Variants in LSAMP observed in about 807,000 individuals in gnomAD.
LSAMP encodes limbic system-associated membrane protein.
Under a neutral mutation model 38.6 loss-of-function variants are expected in LSAMP, and 7 were observed. The observed-to-expected ratio is 0.18, with a 90% confidence interval of 0.10 to 0.34. The LOEUF (loss-of-function observed/expected upper bound fraction) is 0.34, where lower values mean the gene tolerates loss of function less well. LSAMP is among the 10% of genes least tolerant of loss of function. The pLI, the probability that LSAMP is intolerant of heterozygous loss-of-function variation, is 1.00. For synonymous variants in LSAMP, 154 were observed against 166.8 expected (o/e 0.92, Z 0.59); for missense variants, 313 against 420.0 (o/e 0.75, Z 2.23).
At position 115,810,045 on chromosome 3, in the gene LSAMP, T is replaced by C. The variant is rs1355450166; in HGVS notation, c.*272A>G. On this transcript the variant is annotated 3_prime_UTR_variant, in exon 7 of 7. Transcript: ENST00000490035. Reference sequence around the variant, plus strand: ...AGTGTGGTGTAGTCTTTACACAGCATACATTTGCTTAGTAGATATAAACAT... The same window carrying C: ...AGTGTGGTGTAGTCTTTACACAGCACACATTTGCTTAGTAGATATAAACAT... 9 of 367,618 alleles carry C rather than the reference T, an allele frequency of 2.4e-5. No individual in the cohort carries two copies. The highest frequency in any genetic ancestry group is 7.8e-4 in the Middle Eastern group (1 of 1,276). The allele number at this position is 367,618 out of a possible 1,614,324, so 22.8% of individuals were successfully genotyped here. A position where few individuals can be genotyped will look rare whatever the true frequency, so the allele number is the denominator to read the frequency against.
chr3:115,876,630 G>C (rs1470847306), intron 3 of LSAMP, among the ~76,000 whole-genome samples: 2 of 152,004 alleles, frequency 1.3e-5, no homozygotes, highest in Non-Finnish European at 2.9e-5. Context: ...CCAGGTTTCT[G>C]TCATCATGAT....
intron 1 of LSAMP, among the ~76,000 whole-genome samples, chr3:116,163,516 A>G (rs1179182972): frequency 6.6e-6 from 1 of 151,626 alleles, no homozygotes; most frequent in Non-Finnish European, 1.5e-5. Context: ...TGCTATTGTG[A>G]ATAGTGCCGC....
chr3:116,400,838 C>T (rs1402520778), intron 1 of LSAMP, among the ~76,000 whole-genome samples: 1 of 152,048 alleles, frequency 6.6e-6, no homozygotes, highest in Non-Finnish European at 1.5e-5. Context: ...CACATTCTAC[C>T]TTTTATTCCT....
chr3:115,842,626 A>T, intron 4 of LSAMP, 48 bp from the exon 5 acceptor site: 1 of 1,605,112 alleles, frequency 6.2e-7, no homozygotes, highest in Non-Finnish European at 8.5e-7. Flanking sequence ...CGGGGTGCTT[A>T]GAATTTCTAT....
At chr3:115,944,101 T>A (rs1356532742) in intron 3 of LSAMP, among the ~76,000 whole-genome samples, 1 of 152,154 alleles carries the variant, frequency 6.6e-6, no homozygotes, top group Non-Finnish European at 1.5e-5. Flanking sequence ...GTGGTAATGA[T>A]AAATTTCTGA....
chr3:116,416,500 C>G (rs1441629786), intron 1 of LSAMP, among the ~76,000 whole-genome samples: 1 of 152,146 alleles, frequency 6.6e-6, no homozygotes, highest in African/African-American at 2.4e-5. Flanking sequence ...TTGAAAGTGT[C>G]AAGCTGAGTG....
chr3:116,335,591 G>T (rs1193595436), intron 1 of LSAMP, among the ~76,000 whole-genome samples: 1 of 151,966 alleles, frequency 6.6e-6, no homozygotes, highest in Admixed American at 6.6e-5. Context: ...CTTATGGTGG[G>T]CACCTGCTAA....
At chr3:116,273,687 T>TATATATATATATA (rs1559808317) in intron 1 of LSAMP, among the ~76,000 whole-genome samples, 1 of 119,932 alleles carries the variant, frequency 8.3e-6, no homozygotes, top group African/African-American at 4.0e-5. Context: ...AAGAGGCATA[T>TATATATATATATA]ATATATATAT....
rs142624723 is a variant in LSAMP, at chr3:115,806,124, C to T, written c.*4193G>A. Reference sequence around the variant, plus strand: ...TGAGGACATGGTTAATCCCATTAAACATAGTCTATAAGCAAATTTCTTTTC... The same window carrying T: ...TGAGGACATGGTTAATCCCATTAAATATAGTCTATAAGCAAATTTCTTTTC... On this transcript the variant is annotated 3_prime_UTR_variant, in exon 7 of 7. Coordinates refer to ENST00000490035, the MANE Select transcript of LSAMP (RefSeq NM_002338.5). 6.6e-6 allele frequency: 1 copy of T among 152,142 alleles called. No individual in the cohort carries two copies. Among genetic ancestry groups the T allele is most frequent in the African/African-American group, 2.4e-5 (1 of 41,444 alleles). The allele number at this position is 152,142 out of a possible 1,614,324, so 9.4% of individuals were successfully genotyped here. A position where few individuals can be genotyped will look rare whatever the true frequency, so the allele number is the denominator to read the frequency against.
chr3:116,236,210 T>C (rs867203697), intron 1 of LSAMP, among the ~76,000 whole-genome samples: 1 of 152,250 alleles, frequency 6.6e-6, no homozygotes, highest in South Asian at 2.1e-4. Flanking sequence ...CATGATTTGC[T>C]TAGAATTTGA....
intron 1 of LSAMP, among the ~76,000 whole-genome samples, chr3:116,110,004 G>A (rs1179192003): frequency 6.6e-6 from 1 of 151,746 alleles, no homozygotes; most frequent in African/African-American, 2.4e-5. Context: ...TAAGAGGTAG[G>A]GGTGAGGAAA....
chr3:116,354,847 G>A (rs28438656), intron 1 of LSAMP, among the ~76,000 whole-genome samples: 27 of 25,072 alleles, frequency 1.1e-3, no homozygotes, highest in Non-Finnish European at 4.0e-3. Flanking sequence ...GTGTATATAT[G>A]TGTGTGTGTG....
chr3:116,437,746 A>T (rs374430825), intron 1 of LSAMP, among the ~76,000 whole-genome samples: 5 of 152,192 alleles, frequency 3.3e-5, no homozygotes, highest in East Asian at 1.9e-4. Flanking sequence ...TATGTATAAT[A>T]AAAATGGCAT....
At chr3:116,293,129 A>ACAT (rs2047290286) in intron 1 of LSAMP, among the ~76,000 whole-genome samples, 2 of 152,170 alleles carry the variant, frequency 1.3e-5, no homozygotes, top group African/African-American at 4.8e-5. Flanking sequence ...TGAGATAAGA[A>ACAT]CATCTCTTTT....
intron 3 of LSAMP, among the ~76,000 whole-genome samples, chr3:115,862,262 C>T (rs1935727742): frequency 6.6e-6 from 1 of 152,300 alleles, no homozygotes; most frequent in Non-Finnish European, 1.5e-5. Context: ...GCAGCAGTTG[C>T]TGTTTTTAAG....
intron 2 of LSAMP, among the ~76,000 whole-genome samples, chr3:116,044,318 AC>A (rs2107722653): frequency 6.6e-6 from 1 of 152,178 alleles, no homozygotes; most frequent in African/African-American, 2.4e-5. Flanking sequence ...TATTCTAACA[AC>A]CCTACCTTTC....
intron 1 of LSAMP, among the ~76,000 whole-genome samples, chr3:116,432,450 CA>C (rs1423848693): frequency 6.6e-6 from 1 of 151,752 alleles, no homozygotes; most frequent in African/African-American, 2.4e-5. Flanking sequence ...TGTACAAATA[CA>C]TACTCTTAGA....
At chr3:116,183,026 T>C (rs1301755252) in intron 1 of LSAMP, among the ~76,000 whole-genome samples, 1 of 151,848 alleles carries the variant, frequency 6.6e-6, no homozygotes, top group Non-Finnish European at 1.5e-5. Flanking sequence ...TTGATCAGTA[T>C]CTCCTTTGAG....
chr3:116,321,219 T>G (rs1338590574), intron 1 of LSAMP, among the ~76,000 whole-genome samples: 3 of 151,854 alleles, frequency 2.0e-5, no homozygotes, highest in Non-Finnish European at 4.4e-5. Flanking sequence ...AAATTTGTCT[T>G]AAAAAATAGC....
Sources: gnomAD v4.1 joint callset for allele counts (sites outside exome capture counted in the v4.1 genomes callset) on GRCh38, gnomAD v4.1.1 for gene constraint, MANE v1.5 for transcripts, NCBI Gene and HGNC (gene_info 2026-07-23, HGNC 2026-07-21) for gene names.